Variants in CUX2 observed in about 807,000 individuals in gnomAD.
The protein encoded by CUX2 is homeobox protein cut-like 2.
Under a neutral mutation model 144.8 loss-of-function variants are expected in CUX2, and 40 were observed. That is an observed-to-expected ratio of 0.28 (90% CI 0.21 to 0.36). The LOEUF is 0.36. Ranked by LOEUF, CUX2 falls within the 10% of genes least tolerant of loss-of-function variation. CUX2 has a pLI of 1.00. For synonymous variants in CUX2, 827 were observed against 875.6 expected (o/e 0.94, Z 0.98); for missense variants, 1,615 against 1,994.0 (o/e 0.81, Z 3.62).
intron 1 of CUX2, among the ~76,000 whole-genome samples, chr12:111,097,960 G>A (rs1009149236): frequency 6.6e-6 from 1 of 152,194 alleles, no homozygotes; most frequent in Non-Finnish European, 1.5e-5. Context: ...TTTCCCCGAG[G>A]CTCAGAGTAA....
In CUX2 at chr12:111,316,965, T is replaced by C. The variant is rs150976589; in HGVS notation, c.2003-3047T>C. On this transcript the variant is annotated intron_variant, in intron 16 of 21. Transcript: ENST00000261726. ...ATTGACCTGTTCTGCACATTTTGTGTAAATGGAATCATATCATATGTGCTA... is the reference window on the plus strand; with the variant it reads ...ATTGACCTGTTCTGCACATTTTGTGCAAATGGAATCATATCATATGTGCTA... 3.9e-3 allele frequency among the ~76,000 whole-genome samples: 591 copies of C among 152,288 alleles called. 4 individuals carry two copies. The highest frequency in any genetic ancestry group is 6.2e-3 in the Admixed American group (95 of 15,272).
At chr12:111,072,586 G>A (rs1354023035) in intron 1 of CUX2, among the ~76,000 whole-genome samples, 1 of 152,266 alleles carries the variant, frequency 6.6e-6, no homozygotes, top group Admixed American at 6.5e-5. Context: ...TCTGAGTAAA[G>A]TAGGAGGAAG....
At chr12:111,112,650 T>A (rs932130815) in intron 1 of CUX2, among the ~76,000 whole-genome samples, 35 of 152,198 alleles carry the variant, frequency 2.3e-4, no homozygotes, top group African/African-American at 8.2e-4. Flanking sequence ...GACTTGAGGA[T>A]CTGGCTTCTC....
At chr12:111,234,660 G>A (rs1882643073) in intron 3 of CUX2, among the ~76,000 whole-genome samples, 1 of 151,940 alleles carries the variant, frequency 6.6e-6, no homozygotes, top group Admixed American at 6.6e-5. Flanking sequence ...GCAGACCTGG[G>A]TTCAAGACCA....
chr12:111,078,057 A>C (rs1198596916), intron 1 of CUX2, among the ~76,000 whole-genome samples: 1 of 152,192 alleles, frequency 6.6e-6, no homozygotes, highest in Non-Finnish European at 1.5e-5. Context: ...GATTTTCAAA[A>C]CAATGATATA....
intron 3 of CUX2, among the ~76,000 whole-genome samples, chr12:111,231,939 C>G (rs949165868): frequency 2.0e-5 from 3 of 152,036 alleles, no homozygotes; most frequent in South Asian, 2.1e-4. Flanking sequence ...AACCCTGTCT[C>G]TACTAAAAAT....
chr12:111,237,422 T>C (rs1179756335), intron 3 of CUX2, among the ~76,000 whole-genome samples: 1 of 152,106 alleles, frequency 6.6e-6, no homozygotes, highest in African/African-American at 2.4e-5. Context: ...ATCCCCTAGG[T>C]CCCTGTCCTC....
chr12:111,078,079 A>G (rs985854791), intron 1 of CUX2, among the ~76,000 whole-genome samples: 3 of 152,162 alleles, frequency 2.0e-5, no homozygotes, highest in African/African-American at 7.2e-5. Flanking sequence ...AAATCAGCAA[A>G]TGAGTACATT....
intron 3 of CUX2, among the ~76,000 whole-genome samples, chr12:111,233,016 C>T (rs1250063161): frequency 6.6e-6 from 1 of 152,154 alleles, no homozygotes; most frequent in African/African-American, 2.4e-5. Context: ...GGAGGGCTTC[C>T]AGGAGGAAGT....
chr12:111,170,177 C>G (rs1038262725), intron 1 of CUX2, among the ~76,000 whole-genome samples: 1 of 152,116 alleles, frequency 6.6e-6, no homozygotes, highest in Non-Finnish European at 1.5e-5. Context: ...TGGTGGCTCA[C>G]GCCTGTAATC....
rs1190988721 is a variant in CUX2, at chr12:111,160,516, C to T, written c.64-53684C>T. 6.6e-6 allele frequency among the ~76,000 whole-genome samples: 1 copy of T among 152,162 alleles called. No homozygotes were observed. Among genetic ancestry groups the T allele is most frequent in the Admixed American group, 6.5e-5 (1 of 15,286 alleles). ...GTGTCAGGGAGGGCCCTTCCTGGTC[C>T]AAGAACTCGCGTGACCCGGCACAGA... On this transcript the variant is annotated intron_variant, in intron 1 of 21. Coordinates refer to ENST00000261726, the MANE Select transcript of CUX2 (RefSeq NM_015267.4). This position sits in a 1 kb window ranked among gnomAD's most constrained non-coding sequence, Gnocchi z 4.1.
chr12:111,111,902 G>A lies in CUX2; in HGVS notation c.63+77662G>A, dbSNP rs532588520. Among the ~76,000 whole-genome samples, 7 of 152,258 alleles carry A rather than the reference G, an allele frequency of 4.6e-5. No individual in the cohort carries two copies. The South Asian group carries it at 1.5e-3, about 32-fold the overall frequency. On this transcript the variant is annotated intron_variant, in intron 1 of 21. Transcript: ENST00000261726. The stretch of plus-strand genomic sequence containing the variant: ...AACTTGCAGAAGCCTCTTGCAAGGG[G>A]AAACGGTTCTCCCACGGGGCTTCTC...
At chr12:111,090,739 A>C (rs373268294) in intron 1 of CUX2, among the ~76,000 whole-genome samples, 3 of 152,176 alleles carry the variant, frequency 2.0e-5, no homozygotes, top group African/African-American at 7.2e-5. Context: ...CTCATGTTAG[A>C]GATACAAGCT....
chr12:111,296,238 T>C (rs1885982845), intron 7 of CUX2, among the ~76,000 whole-genome samples: 1 of 152,014 alleles, frequency 6.6e-6, no homozygotes, highest in Non-Finnish European at 1.5e-5. Context: ...AGACCTCATC[T>C]GCCCCGCACT....
intron 1 of CUX2, among the ~76,000 whole-genome samples, chr12:111,085,164 G>T (rs1020974973): frequency 2.6e-5 from 4 of 152,336 alleles, no homozygotes; most frequent in East Asian, 1.9e-4. Flanking sequence ...GATGGGGATG[G>T]AGGTGCTGTG....
At chr12:111,269,745 G>A (rs1300742036) in intron 4 of CUX2, among the ~76,000 whole-genome samples, 2 of 152,108 alleles carry the variant, frequency 1.3e-5, no homozygotes, top group African/African-American at 4.8e-5. Flanking sequence ...GCCACTCAAG[G>A]TCCCAAGATT....
At chr12:111,300,242 C>A (rs915438751) in intron 9 of CUX2, among the ~76,000 whole-genome samples, 3 of 152,048 alleles carry the variant, frequency 2.0e-5, no homozygotes, top group Admixed American at 6.6e-5. Context: ...TGCCTCAGTC[C>A]CCCAAGTAGC....
chr12:111,278,454 G>C (rs1479562989), intron 4 of CUX2, among the ~76,000 whole-genome samples: 1 of 152,148 alleles, frequency 6.6e-6, no homozygotes, highest in Non-Finnish European at 1.5e-5. Flanking sequence ...CACAGGTTCT[G>C]AGGGTCAAGA....
intron 16 of CUX2, among the ~76,000 whole-genome samples, chr12:111,313,501 G>A (rs1390694191): frequency 6.6e-6 from 1 of 151,718 alleles, no homozygotes; most frequent in Non-Finnish European, 1.5e-5. Flanking sequence ...AATTAGCTGG[G>A]CGTGGTGGCG....
Sources: allele counts gnomAD v4.1 joint callset (sites outside exome capture counted in the v4.1 genomes callset), GRCh38; gene constraint gnomAD v4.1.1; non-coding constraint Gnocchi (gnomAD v3.1); transcripts MANE v1.5; gene names NCBI Gene and HGNC (gene_info 2026-07-23, HGNC 2026-07-21).